The following SLC4A4 variants were observed in gnomAD, a reference collection of about 807,000 sequenced individuals.
The protein encoded by SLC4A4 is electrogenic sodium bicarbonate cotransporter 1.
SLC4A4 carries 27 observed loss-of-function variants against 111.5 expected under a neutral mutation model. That is an observed-to-expected ratio of 0.24 (90% CI 0.18 to 0.33). The LOEUF (loss-of-function observed/expected upper bound fraction) is 0.33, where lower values mean the gene tolerates loss of function less well. Ranked by LOEUF, SLC4A4 falls within the 10% of genes least tolerant of loss-of-function variation. The pLI, the probability that SLC4A4 is intolerant of heterozygous loss-of-function variation, is 1.00. For missense variants in SLC4A4, 909 were observed against 1,315.5 expected, an observed-to-expected ratio of 0.69 and a Z score of 4.78; for synonymous variants, 443 against 463.4, an observed-to-expected ratio of 0.96 and a Z score of 0.57.
intron 1 of SLC4A4, among the ~76,000 whole-genome samples, chr4:71,201,496 A>G (rs1010636147): frequency 1.3e-5 from 2 of 152,180 alleles, no homozygotes; most frequent in Non-Finnish European, 2.9e-5. Context: ...GCACAGCACC[A>G]AAGACTTCGT....
chr4:71,190,768 G>A (rs1745696836), intron 1 of SLC4A4, among the ~76,000 whole-genome samples: 1 of 152,160 alleles, frequency 6.6e-6, no homozygotes, highest in Admixed American at 6.5e-5. Flanking sequence ...AAATGAACAA[G>A]TGTATAAATG....
intron 2 of SLC4A4, among the ~76,000 whole-genome samples, chr4:71,180,915 C>T (rs553344628): frequency 2.4e-4 from 36 of 152,168 alleles, no homozygotes; most frequent in East Asian, 1.4e-3. Flanking sequence ...CACATGCACA[C>T]GTATGTTTAC....
At chr4:71,087,093 G>T (rs1050126435) in intron 1 of SLC4A4, among the ~76,000 whole-genome samples, 2 of 152,006 alleles carry the variant, frequency 1.3e-5, no homozygotes, top group Admixed American at 6.6e-5. Context: ...GCCTGTTATT[G>T]TTCTTTTCAG....
At chr4:71,496,317 C>T (rs113327818) in intron 15 of SLC4A4, among the ~76,000 whole-genome samples, 18 of 151,950 alleles carry the variant, frequency 1.2e-4, no homozygotes, top group African/African-American at 3.9e-4. Flanking sequence ...ATTTGGGGTG[C>T]GTGTGACTTT....
At chr4:71,068,633 C>T (rs1426733134) in intron 1 of SLC4A4, among the ~76,000 whole-genome samples, 1 of 151,902 alleles carries the variant, frequency 6.6e-6, no homozygotes, top group Non-Finnish European at 1.5e-5. Context: ...CCGCTCACTG[C>T]AACCTGCAAC....
At chr4:71,211,458 G>A (rs980944295) in intron 1 of SLC4A4, among the ~76,000 whole-genome samples, 2 of 152,188 alleles carry the variant, frequency 1.3e-5, no homozygotes, top group Non-Finnish European at 2.9e-5. Flanking sequence ...TTACCAGGAG[G>A]TAGAAGGATA....
At position 71,567,887 on chromosome 4, in the gene SLC4A4, A is replaced by G. The variant is rs1034733040; in HGVS notation, c.*136A>G. On this transcript the variant is annotated 3_prime_UTR_variant, in exon 26 of 26. Coordinates refer to ENST00000264485, the MANE Select transcript of SLC4A4 (RefSeq NM_001098484.3). Reference sequence around the variant, plus strand: ...GGAGGAGCAAGGGAACAGAAACTACATTGTAACCTGTTTGTCTTTCTTAAA... The same window carrying G: ...GGAGGAGCAAGGGAACAGAAACTACGTTGTAACCTGTTTGTCTTTCTTAAA... 5.4e-6 allele frequency: 8 copies of G among 1,469,230 alleles called. No individual in the cohort carries two copies. The African/African-American group carries it at 1.1e-4, about 21-fold the overall frequency. The allele number at this position is 1,469,230 out of a possible 1,614,324, so 91.0% of individuals were successfully genotyped here. A position where few individuals can be genotyped will look rare whatever the true frequency, so the allele number is the denominator to read the frequency against.
In SLC4A4 at chr4:71,236,589, G is replaced by A. The variant is rs1208614477; in HGVS notation, c.13G>A (p.Ala5Thr). 9 of 1,613,636 alleles carry A rather than the reference G, an allele frequency of 5.6e-6. No homozygotes were observed. Among genetic ancestry groups the A allele is most frequent in the Non-Finnish European group, 6.8e-6 (8 of 1,179,632 alleles). The change falls in exon 2 of 26, where the codon GCT becomes ACT. Residue 5 changes from alanine (A) to threonine (T), a missense_variant. Physicochemically the swap from Ala to Thr is moderately conservative, Grantham distance 58 (BLOSUM62 0). This residue lies in a region of SLC4A4 where 117 missense variants were observed against 154.2 expected (regional missense o/e 0.76). Coordinates refer to ENST00000264485, the MANE Select transcript of SLC4A4 (RefSeq NM_001098484.3). MEDEAVLDRGASFLK... is the reference protein window; with the variant it reads MEDETVLDRGASFLK... ...TTATTACTATAGGATGGAGGATGAA[G>A]CTGTCCTGGACAGAGGGGCTTCCTT...
At chr4:71,249,078 T>G (rs1720879910) in intron 2 of SLC4A4, among the ~76,000 whole-genome samples, 3 of 152,112 alleles carry the variant, frequency 2.0e-5, no homozygotes, top group Admixed American at 2.0e-4. Context: ...CAAGCTAAGA[T>G]TTCTTATCAG....
At chr4:71,489,589 G>T (rs1729719843) in intron 15 of SLC4A4, among the ~76,000 whole-genome samples, 1 of 151,734 alleles carries the variant, frequency 6.6e-6, no homozygotes, top group Admixed American at 6.6e-5. Context: ...ATTTGATTAG[G>T]TCATGCAGCC....
intron 6 of SLC4A4, among the ~76,000 whole-genome samples, chr4:71,358,314 GAA>G (rs757154295): frequency 3.3e-5 from 4 of 120,492 alleles, no homozygotes; most frequent in Non-Finnish European, 1.8e-5. Context: ...GACTCCGTCT[GAA>G]AAAAAAAAAA....
At chr4:71,321,229 C>T (rs968887927) in intron 3 of SLC4A4, among the ~76,000 whole-genome samples, 2 of 152,008 alleles carry the variant, frequency 1.3e-5, no homozygotes, top group South Asian at 2.1e-4. Context: ...ATTTCTATAA[C>T]AAATTATGAA....
chr4:71,180,828 C>T (rs553073962), intron 2 of SLC4A4, among the ~76,000 whole-genome samples: 62 of 152,044 alleles, frequency 4.1e-4, no homozygotes, highest in African/African-American at 1.3e-3. Flanking sequence ...TACCATTTGA[C>T]CCAGCAATAC....
chr4:71,121,268 G>C (rs570372008), intron 2 of SLC4A4, among the ~76,000 whole-genome samples: 8 of 151,974 alleles, frequency 5.3e-5, no homozygotes, highest in Middle Eastern at 6.8e-3. Flanking sequence ...TCCCCAATGG[G>C]CACTGCCCCC....
chr4:71,398,606 A>G (rs1207814117), intron 7 of SLC4A4, among the ~76,000 whole-genome samples: 2 of 152,200 alleles, frequency 1.3e-5, no homozygotes, highest in African/African-American at 4.8e-5. Flanking sequence ...AATGAAAGCA[A>G]TATATTTAAA....
rs981639511 is a variant in SLC4A4, at chr4:71,559,971, G to C, written c.2938-122G>C. On this transcript the variant is annotated intron_variant, in intron 22 of 25. Transcript: ENST00000264485. Reference sequence around the variant, plus strand: ...AGTCCATACCGTCAAGATCAGGTCTGTCATACTCTATCTAGCCTTACACAA... The same window carrying C: ...AGTCCATACCGTCAAGATCAGGTCTCTCATACTCTATCTAGCCTTACACAA... The C allele has an allele frequency of 7.8e-6, 6 of 773,246 alleles. No homozygotes were observed. The African/African-American group carries it at 8.5e-5, about 11-fold the overall frequency. 47.9% of individuals were successfully genotyped at this position (773,246 alleles called of 1,614,324 possible).
chr4:71,535,486 T>C (rs1399521511), intron 18 of SLC4A4, among the ~76,000 whole-genome samples: 2 of 152,014 alleles, frequency 1.3e-5, no homozygotes, highest in Non-Finnish European at 2.9e-5. Context: ...GATGTTTAGA[T>C]TTTGAGAGTT....
chr4:71,140,904 T>C (rs1232280468), intron 2 of SLC4A4, among the ~76,000 whole-genome samples: 3 of 152,210 alleles, frequency 2.0e-5, no homozygotes, highest in South Asian at 2.1e-4. Flanking sequence ...TATACAAAAT[T>C]TGTGGGATAC....
At position 71,356,990 on chromosome 4, in the gene SLC4A4, CT is replaced by C; in HGVS notation, c.551-14del. On this transcript the variant is annotated splice_polypyrimidine_tract_variant and intron_variant, in intron 5 of 25. Coordinates refer to ENST00000264485, the MANE Select transcript of SLC4A4 (RefSeq NM_001098484.3). ...TCTTGTGACTGAGTTTTGTTTTTTG[CT>C]TTTGTTTTTGTACCAGAGATGATTG... The C allele has an allele frequency of 6.2e-7, 1 of 1,610,516 alleles. No individual in the cohort carries two copies. Among genetic ancestry groups the C allele is most frequent in the East Asian group, 2.2e-5 (1 of 44,800 alleles).
Sources: allele counts gnomAD v4.1 joint callset (sites outside exome capture counted in the v4.1 genomes callset), GRCh38; gene constraint gnomAD v4.1.1; regional missense constraint gnomAD v4.1.1; transcripts MANE v1.5; gene names NCBI Gene and HGNC (gene_info 2026-07-23, HGNC 2026-07-21).